Variants in XPO4 observed in about 807,000 individuals in gnomAD.
The protein encoded by XPO4 is exportin-4.
Under a neutral mutation model 143.0 loss-of-function variants are expected in XPO4, and 39 were observed. The observed-to-expected ratio is 0.27, with a 90% CI of 0.21 to 0.36. The LOEUF is 0.36. XPO4 is among the 10% of genes least tolerant of loss of function. XPO4 has a pLI of 1.00. For synonymous variants in XPO4, 439 were observed against 474.0 expected, an observed-to-expected ratio of 0.93 and a Z score of 0.96; for missense variants, 907 against 1,348.0, an observed-to-expected ratio of 0.67 and a Z score of 5.12.
intron 1 of XPO4, among the ~76,000 whole-genome samples, chr13:20,877,656 T>G (rs2060366047): frequency 6.6e-6 from 1 of 152,232 alleles, no homozygotes; most frequent in Admixed American, 6.5e-5. Context: ...ACTTTTTATG[T>G]GAGAAAAACT....
At chr13:20,858,926 A>G (rs1014420246) in intron 3 of XPO4, among the ~76,000 whole-genome samples, 56 of 5,680 alleles carry the variant, frequency 9.9e-3, no homozygotes, top group Admixed American at 9.9e-3. Flanking sequence ...GTGTGTGTAT[A>G]TATATATATA....
chr13:20,829,525 T>G (rs2059826735), intron 6 of XPO4, among the ~76,000 whole-genome samples: 6 of 152,152 alleles, frequency 3.9e-5, no homozygotes, highest in Admixed American at 3.9e-4. Flanking sequence ...AGCAGATGTG[T>G]GATCCCTCAG....
At position 20,781,446 on chromosome 13, in the gene XPO4, C is replaced by G. The variant is rs2059143011; in HGVS notation, c.*2276G>C. 1 of 152,574 alleles carries G rather than the reference C, an allele frequency of 6.6e-6. No individual in the cohort carries two copies. The highest frequency in any genetic ancestry group is 1.5e-5 in the Non-Finnish European group (1 of 68,032). 9.5% of individuals were successfully genotyped at this position (152,574 alleles called of 1,614,324 possible). On this transcript the variant is annotated 3_prime_UTR_variant, in exon 23 of 23. Transcript: ENST00000255305. ...CCCCAGTGAGCTAATATTCAACATTCTGCTGATCTTATAAGTATTATTTGG... is the reference window on the plus strand; with the variant it reads ...CCCCAGTGAGCTAATATTCAACATTGTGCTGATCTTATAAGTATTATTTGG...
chr13:20,879,248 G>A (rs1221635241), intron 1 of XPO4: 9 of 985,160 alleles, frequency 9.1e-6, no homozygotes, highest in Middle Eastern at 5.2e-4. Flanking sequence ...GATCCTCAGC[G>A]CAAGGGTAAA....
chr13:20,855,516 G>T, intron 4 of XPO4, 111 bp downstream of exon 4: 2 of 1,083,216 alleles, frequency 1.8e-6, no homozygotes, highest in African/African-American at 1.6e-5. Context: ...TTGCTTGACT[G>T]ATAGCTTTTT....
intron 4 of XPO4, chr13:20,848,188 T>C: frequency 1.0e-6 from 1 of 956,046 alleles, no homozygotes; most frequent in Non-Finnish European, 1.2e-6. Context: ...TCATTTTCAT[T>C]TGCTCACAGG....
At chr13:20,851,761 T>A in intron 4 of XPO4, 1 of 982,204 alleles carries the variant, frequency 1.0e-6, no homozygotes, top group Non-Finnish European at 1.2e-6. Context: ...GACAGAAATT[T>A]GACTTTAAAA....
chr13:20,859,759 G>C (rs2060179532), intron 3 of XPO4: 1 of 681,426 alleles, frequency 1.5e-6, no homozygotes, highest in Non-Finnish European at 1.8e-6. Context: ...CCTAGCAACA[G>C]AGCAAGGCTC....
rs1036719007 is a variant in XPO4 at position 20,821,580 on chromosome 13, A to G, written c.1173+124T>C. The G allele has an allele frequency of 3.6e-6, 4 of 1,103,702 alleles. No homozygotes were observed. The Admixed American group carries it at 1.3e-4, about 37-fold the overall frequency. The allele number at this position is 1,103,702 out of a possible 1,614,324, so 68.4% of individuals were successfully genotyped here. A position where few individuals can be genotyped will look rare whatever the true frequency, so the allele number is the denominator to read the frequency against. ...CCCAAATAATTTGCACATCTAAACA[A>G]AACAGTCACTTTAACAATAGCCAGC... On this transcript the variant is annotated intron_variant, in intron 9 of 22. Transcript: ENST00000255305.
At chr13:20,842,697 T>C (rs2059988198) in intron 6 of XPO4, among the ~76,000 whole-genome samples, 198 bp downstream of exon 6, 1 of 152,226 alleles carries the variant, frequency 6.6e-6, no homozygotes, top group South Asian at 2.1e-4. Context: ...AAGGAGTAAA[T>C]ACTTTTAAAT....
chr13:20,786,583 T>C (rs1431092553), intron 22 of XPO4, among the ~76,000 whole-genome samples: 2 of 152,176 alleles, frequency 1.3e-5, no homozygotes, highest in African/African-American at 4.8e-5. Context: ...TCTTCCATAC[T>C]GTCTGAAGGC....
chr13:20,868,454 C>A (rs1440987422), intron 2 of XPO4, 142 bp downstream of exon 2: 3 of 1,272,934 alleles, frequency 2.4e-6, no homozygotes, highest in Non-Finnish European at 2.0e-6. Flanking sequence ...AAAGCTACTC[C>A]AGTAGAATGA....
intron 1 of XPO4, among the ~76,000 whole-genome samples, chr13:20,881,696 C>T (rs2060411791): frequency 2.0e-5 from 3 of 152,140 alleles, no homozygotes; most frequent in Admixed American, 2.0e-4. Flanking sequence ...CACACAATCA[C>T]ATATCATCAT....
chr13:20,810,547 T>C (rs2059568699), intron 9 of XPO4, among the ~76,000 whole-genome samples: 1 of 152,240 alleles, frequency 6.6e-6, no homozygotes, highest in South Asian at 2.1e-4. Flanking sequence ...ACAAATACTT[T>C]GTGAATGTGG....
At chr13:20,846,621 AAAT>A (rs1270244583) in intron 4 of XPO4, among the ~76,000 whole-genome samples, 14 of 152,354 alleles carry the variant, frequency 9.2e-5, no homozygotes, top group African/African-American at 3.4e-4. Flanking sequence ...TTTCGTTTTT[AAAT>A]AATTTTTTCA....
At chr13:20,826,966 T>C in intron 7 of XPO4, 101 bp downstream of exon 7, 1 of 757,058 alleles carries the variant, frequency 1.3e-6, no homozygotes, top group Non-Finnish European at 2.3e-6. Context: ...GACAAGACTT[T>C]AGGGGAGAAA....
chr13:20,836,212 C>A (rs1256432148), intron 6 of XPO4, among the ~76,000 whole-genome samples: 1 of 152,204 alleles, frequency 6.6e-6, no homozygotes, highest in Non-Finnish European at 1.5e-5. Flanking sequence ...CTAATTACTA[C>A]CTGATCACTG....
chr13:20,830,996 A>G (rs2059846043), intron 6 of XPO4, among the ~76,000 whole-genome samples: 1 of 152,168 alleles, frequency 6.6e-6, no homozygotes. Context: ...AAAATAATAT[A>G]AAGAATTAAG....
At chr13:20,823,738 G>A (rs1245585559) in intron 7 of XPO4, among the ~76,000 whole-genome samples, 5 of 152,010 alleles carry the variant, frequency 3.3e-5, no homozygotes, top group Admixed American at 6.6e-5. Context: ...AGCAACCTCC[G>A]CCTCCCGGGT....
Sources: allele counts gnomAD v4.1 joint callset (sites outside exome capture counted in the v4.1 genomes callset), GRCh38; gene constraint gnomAD v4.1.1; transcripts MANE v1.5; gene names NCBI Gene and HGNC (gene_info 2026-07-23, HGNC 2026-07-21).